The following MAML3 variants were observed in gnomAD, a reference collection of about 807,000 sequenced individuals.
MAML3 encodes mastermind-like protein 3.
In MAML3, 27 loss-of-function variants were observed where a neutral mutation model predicts 101.9. The ratio of observed to expected loss-of-function variants is 0.27; its 90% CI spans 0.20 to 0.37. The LOEUF is 0.37. MAML3 is among the 10% of genes least tolerant of loss of function. MAML3 has a pLI of 1.00. For synonymous variants in MAML3, 501 were observed against 555.9 expected (o/e 0.90, Z 1.39); for missense variants, 1,316 against 1,444.9 (o/e 0.91, Z 1.45).
intron 2 of MAML3, among the ~76,000 whole-genome samples, chr4:139,860,849 A>C (rs1418718975): frequency 6.6e-6 from 1 of 152,152 alleles, no homozygotes; most frequent in East Asian, 1.9e-4. Context: ...TTCATTATAG[A>C]TGACTTTTGA....
At chr4:139,802,987 G>A (rs1730634651) in intron 2 of MAML3, among the ~76,000 whole-genome samples, 1 of 152,186 alleles carries the variant, frequency 6.6e-6, no homozygotes, top group Non-Finnish European at 1.5e-5. Context: ...ATATTATGGT[G>A]CTGAGAAACG....
chr4:139,957,130 A>G (rs763172405), intron 1 of MAML3, among the ~76,000 whole-genome samples: 5 of 152,080 alleles, frequency 3.3e-5, no homozygotes, highest in African/African-American at 4.8e-5. Flanking sequence ...GGTCTTAACC[A>G]CTCCATTTCT....
intron 2 of MAML3, among the ~76,000 whole-genome samples, chr4:139,840,625 T>C (rs1367431628): frequency 6.6e-6 from 1 of 152,172 alleles, no homozygotes; most frequent in Admixed American, 6.5e-5. Context: ...AGTGTATCAT[T>C]GAACTTGAGA....
chr4:140,061,278 G>C (rs1052008549), intron 1 of MAML3, among the ~76,000 whole-genome samples: 5 of 152,196 alleles, frequency 3.3e-5, no homozygotes, highest in Non-Finnish European at 7.3e-5. Flanking sequence ...AAGTTAAACA[G>C]TTCAGTGCAC....
chr4:139,773,757 A>G (rs556614213), intron 2 of MAML3, among the ~76,000 whole-genome samples: 149 of 152,366 alleles, frequency 9.8e-4, no homozygotes, highest in Non-Finnish European at 1.9e-3. Context: ...CATGTATCAT[A>G]TTGACATAAA....
intron 2 of MAML3, among the ~76,000 whole-genome samples, chr4:139,807,285 TTGTG>T (rs35966760): frequency 2.0e-5 from 3 of 150,856 alleles, no homozygotes; most frequent in Non-Finnish European, 3.0e-5. Flanking sequence ...CGCTATTATT[TTGTG>T]TGTGTGTGTG....
intron 2 of MAML3, among the ~76,000 whole-genome samples, chr4:139,834,129 A>G (rs1731218772): frequency 6.6e-6 from 1 of 152,244 alleles, no homozygotes; most frequent in African/African-American, 2.4e-5. Flanking sequence ...GAACGCTGCC[A>G]TTTTGAAATG....
chr4:139,933,215 T>C (rs1733436809), intron 1 of MAML3, among the ~76,000 whole-genome samples: 1 of 152,040 alleles, frequency 6.6e-6, no homozygotes, highest in African/African-American at 2.4e-5. Context: ...TAGCCACACA[T>C]GTAAGACAGA....
intron 1 of MAML3, among the ~76,000 whole-genome samples, chr4:140,073,810 T>G (rs1349374342): frequency 1.3e-5 from 2 of 152,028 alleles, no homozygotes; most frequent in Non-Finnish European, 2.9e-5. Context: ...ACAGGAGGCC[T>G]GGTTTGGAGC....
At chr4:139,821,126 T>G (rs1193523983) in intron 2 of MAML3, among the ~76,000 whole-genome samples, 2 of 152,234 alleles carry the variant, frequency 1.3e-5, no homozygotes, top group Non-Finnish European at 2.9e-5. Flanking sequence ...GGATTATTTT[T>G]CTGTCTGTAT....
chr4:139,843,328 G>C (rs1298218127), intron 2 of MAML3, among the ~76,000 whole-genome samples: 1 of 152,132 alleles, frequency 6.6e-6, no homozygotes, highest in Non-Finnish European at 1.5e-5. Flanking sequence ...TACATACTAA[G>C]ATGTGTCTAC....
intron 1 of MAML3, among the ~76,000 whole-genome samples, chr4:139,961,012 C>A (rs1330751578): frequency 6.6e-6 from 1 of 152,118 alleles, no homozygotes; most frequent in Non-Finnish European, 1.5e-5. Context: ...GTGCATGGAG[C>A]CTTCTCAGAT....
intron 2 of MAML3, among the ~76,000 whole-genome samples, chr4:139,831,856 G>A (rs1464119125): frequency 6.6e-6 from 1 of 150,958 alleles, no homozygotes; most frequent in Non-Finnish European, 1.5e-5. Flanking sequence ...GCAGTGGTGC[G>A]ATCTCAGCTC....
chr4:140,153,366 T>C lies in MAML3; in HGVS notation c.-39A>G, dbSNP rs776446589. 3.9e-6 allele frequency: 6 copies of C among 1,524,684 alleles called. No individual in the cohort carries two copies. In the South Asian group the frequency reaches 7.9e-5, roughly 20 times the overall value. The allele number at this position is 1,524,684 out of a possible 1,614,324, so 94.4% of individuals were successfully genotyped here. ...CACACTATTTTGGAAGAACTTTTTT[T>C]ATCCACCCCCCTATCAGCCTCCTCC... On this transcript the variant is annotated 5_prime_UTR_variant, in exon 1 of 5. The change creates a new upstream start codon in the 5' untranslated region. Coordinates refer to ENST00000509479, the MANE Select transcript of MAML3 (RefSeq NM_018717.5).
chr4:140,089,913 G>A (rs763702788), intron 1 of MAML3, among the ~76,000 whole-genome samples: 8 of 152,288 alleles, frequency 5.3e-5, no homozygotes, highest in Middle Eastern at 3.4e-3. Context: ...ATGAGCCACC[G>A]CACCCTACCC....
chr4:139,922,949 C>T (rs1733154815), intron 1 of MAML3, among the ~76,000 whole-genome samples: 2 of 152,166 alleles, frequency 1.3e-5, no homozygotes, highest in South Asian at 4.2e-4. Context: ...GGACAGAGTG[C>T]TTGCAGGGGT....
intron 2 of MAML3, among the ~76,000 whole-genome samples, chr4:139,822,270 CCAT>C (rs1286713114): frequency 7.8e-4 from 93 of 119,352 alleles, no homozygotes; most frequent in African/African-American, 1.2e-3. Context: ...ACCACCACCA[CCAT>C]CATCATCATC....
chr4:139,861,897 C>T (rs564016925), intron 2 of MAML3, among the ~76,000 whole-genome samples: 96 of 152,268 alleles, frequency 6.3e-4, no homozygotes, highest in Non-Finnish European at 1.1e-3. Context: ...ACACTGGAAT[C>T]GCCTGGGGAG....
intron 1 of MAML3, among the ~76,000 whole-genome samples, chr4:140,014,841 A>G (rs1341888868): frequency 1.3e-5 from 2 of 152,232 alleles, no homozygotes; most frequent in East Asian, 3.8e-4. Flanking sequence ...AAAAGACTAA[A>G]ATACTGAAAG....
Sources: gnomAD v4.1 joint callset for allele counts (sites outside exome capture counted in the v4.1 genomes callset) on GRCh38, gnomAD v4.1.1 for gene constraint, MANE v1.5 for transcripts, NCBI Gene and HGNC (gene_info 2026-07-23, HGNC 2026-07-21) for gene names.